The following KBTBD12 variants were observed in gnomAD, a reference collection of about 807,000 sequenced individuals.
The protein encoded by KBTBD12 is kelch repeat and BTB domain-containing protein 12.
In KBTBD12, 53 loss-of-function variants were observed where a neutral mutation model predicts 58.7. The observed-to-expected ratio is 0.90, with a 90% CI of 0.72 to 1.14. The LOEUF is 1.14. Ranked by LOEUF, KBTBD12 falls within the 50% of genes most tolerant of loss-of-function variation. The pLI is 0.00. For missense variants in KBTBD12, 704 were observed against 751.3 expected (o/e 0.94, Z 0.74); for synonymous variants, 236 against 259.8 (o/e 0.91, Z 0.88).
chr3:127,966,920 G>A (rs1940585211), intron 5 of KBTBD12, among the ~76,000 whole-genome samples: 1 of 152,200 alleles, frequency 6.6e-6, no homozygotes, highest in Non-Finnish European at 1.5e-5. Context: ...TGATGACATT[G>A]GGAGCTAGAA....
chr3:127,972,805 T>C (rs1559775266), intron 5 of KBTBD12, among the ~76,000 whole-genome samples: 1 of 152,210 alleles, frequency 6.6e-6, no homozygotes, highest in Non-Finnish European at 1.5e-5. Flanking sequence ...TCAAAAATCG[T>C]AATTGACTAT....
intron 4 of KBTBD12, among the ~76,000 whole-genome samples, chr3:127,930,738 T>C (rs1469010850): frequency 6.6e-6 from 1 of 152,180 alleles, no homozygotes; most frequent in Non-Finnish European, 1.5e-5. Flanking sequence ...AGAGGTGTTA[T>C]CAAACAATTT....
At chr3:127,931,516 A>C (rs1235734526) in intron 4 of KBTBD12, among the ~76,000 whole-genome samples, 1 of 152,144 alleles carries the variant, frequency 6.6e-6, no homozygotes, top group Non-Finnish European at 1.5e-5. Context: ...TGTCTACTAA[A>C]CATATTACAG....
At chr3:127,982,146 G>C (rs1940884826) in intron 5 of KBTBD12, among the ~76,000 whole-genome samples, 1 of 152,184 alleles carries the variant, frequency 6.6e-6, no homozygotes, top group Admixed American at 6.5e-5. Context: ...GGTTCAGTTA[G>C]CAGGAGGAAA....
intron 3 of KBTBD12, among the ~76,000 whole-genome samples, chr3:127,929,093 A>AT (rs139788509): frequency 0.083 from 12,680 of 152,166 alleles, 654 homozygotes; most frequent in South Asian, 0.23. Flanking sequence ...TTTTCTTTGC[A>AT]TTTTTTCACT....
chr3:127,937,586 G>T (rs1439166351), intron 4 of KBTBD12, among the ~76,000 whole-genome samples: 1 of 152,094 alleles, frequency 6.6e-6, no homozygotes, highest in Admixed American at 6.6e-5. Context: ...GATTAATAAT[G>T]TTTAACAGAG....
chr3:127,983,654 G>A (rs1169490426), intron 5 of KBTBD12, among the ~76,000 whole-genome samples: 1 of 152,160 alleles, frequency 6.6e-6, no homozygotes, highest in African/African-American at 2.4e-5. Flanking sequence ...TCAGGAGGGT[G>A]AGGCGGGAGA....
At chr3:127,925,146 A>G (rs568673145) in intron 2 of KBTBD12, among the ~76,000 whole-genome samples, 2 of 152,294 alleles carry the variant, frequency 1.3e-5, no homozygotes, top group South Asian at 4.1e-4. Flanking sequence ...CCTTTTCCAC[A>G]TTCATACTTT....
intron 3 of KBTBD12, among the ~76,000 whole-genome samples, 158 bp from the exon 4 acceptor site, chr3:127,929,975 A>G (rs1939663573): frequency 6.6e-6 from 1 of 152,146 alleles, no homozygotes; most frequent in Non-Finnish European, 1.5e-5. Context: ...CAGTATACTT[A>G]TAACCCCCGT....
At chr3:127,932,127 A>G (rs1939717783) in intron 4 of KBTBD12, among the ~76,000 whole-genome samples, 1 of 152,152 alleles carries the variant, frequency 6.6e-6, no homozygotes. Context: ...GAAGGTTTTT[A>G]CAGTAGCTTA....
chr3:127,974,497 G>T (rs1454049895), intron 5 of KBTBD12, among the ~76,000 whole-genome samples: 2 of 152,064 alleles, frequency 1.3e-5, no homozygotes, highest in African/African-American at 4.8e-5. Context: ...CATCATGAAG[G>T]GAATGTCCTT....
At chr3:127,920,603 T>G (rs1939377269) in intron 1 of KBTBD12, among the ~76,000 whole-genome samples, 1 of 152,072 alleles carries the variant, frequency 6.6e-6, no homozygotes, top group South Asian at 2.1e-4. Flanking sequence ...AAGTAGCAAC[T>G]TAAGCAGTAA....
chr3:127,919,376 G>A (rs868744877), intron 1 of KBTBD12, among the ~76,000 whole-genome samples: 2 of 152,132 alleles, frequency 1.3e-5, no homozygotes, highest in Non-Finnish European at 2.9e-5. Context: ...GATTACAGGC[G>A]CAAGCCCCAT....
intron 2 of KBTBD12, among the ~76,000 whole-genome samples, chr3:127,924,393 T>C (rs2107589535): frequency 6.7e-6 from 1 of 148,814 alleles, no homozygotes; most frequent in East Asian, 1.9e-4. Flanking sequence ...ATATAAAATA[T>C]AAATGTAGCA....
intron 4 of KBTBD12, among the ~76,000 whole-genome samples, chr3:127,947,206 G>A (rs1940102910): frequency 6.6e-6 from 1 of 152,140 alleles, no homozygotes; most frequent in African/African-American, 2.4e-5. Flanking sequence ...AGAACCAGAG[G>A]CTCCTGATGA....
chr3:127,974,342 T>C (rs1031150680), intron 5 of KBTBD12, among the ~76,000 whole-genome samples: 2 of 152,236 alleles, frequency 1.3e-5, no homozygotes, highest in African/African-American at 2.4e-5. Flanking sequence ...CTTTCTCTTC[T>C]GACTGTGTTC....
intron 5 of KBTBD12, among the ~76,000 whole-genome samples, chr3:127,974,967 C>A (rs915507443): frequency 6.6e-6 from 1 of 152,254 alleles, no homozygotes; most frequent in South Asian, 2.1e-4. Context: ...AGCGAGACTC[C>A]GTCTCAAAAT....
At chr3:127,972,118 G>A (rs1351502013) in intron 5 of KBTBD12, among the ~76,000 whole-genome samples, 1 of 152,190 alleles carries the variant, frequency 6.6e-6, no homozygotes, top group Non-Finnish European at 1.5e-5. Flanking sequence ...CCCTGTGCTA[G>A]GGAAAATTCT....
At chr3:127,954,708 C>T (rs968852042) in intron 4 of KBTBD12, among the ~76,000 whole-genome samples, 17 of 152,302 alleles carry the variant, frequency 1.1e-4, no homozygotes, top group African/African-American at 4.1e-4. Context: ...AGACCTTTCA[C>T]ACGTGGCCCC....
Sources: gnomAD v4.1 joint callset for allele counts (sites outside exome capture counted in the v4.1 genomes callset) on GRCh38, gnomAD v4.1.1 for gene constraint, MANE v1.5 for transcripts, NCBI Gene and HGNC (gene_info 2026-07-23, HGNC 2026-07-21) for gene names.